The following ZFPM2 variants were observed in gnomAD, a reference collection of about 807,000 sequenced individuals.
ZFPM2 encodes the protein zinc finger protein, FOG family member 2.
A neutral mutation model predicts 98.6 loss-of-function variants in ZFPM2; 20 were observed. The ratio of observed to expected loss-of-function variants is 0.20; its 90% confidence interval spans 0.14 to 0.29. The LOEUF (loss-of-function observed/expected upper bound fraction) is 0.29. Among genes scored for constraint, ZFPM2 ranks in the 10% least tolerant of loss-of-function variants. The pLI, the probability that ZFPM2 is intolerant of heterozygous loss-of-function variation, is 1.00. For synonymous variants in ZFPM2, 518 were observed against 502.7 expected, an observed-to-expected ratio of 1.03 and a Z score of -0.41; for missense variants, 1,310 against 1,388.6, an observed-to-expected ratio of 0.94 and a Z score of 0.90.
At chr8:105,608,245 G>C (rs1018197295) in intron 4 of ZFPM2, among the ~76,000 whole-genome samples, 6 of 151,936 alleles carry the variant, frequency 3.9e-5, no homozygotes, top group African/African-American at 1.5e-4. Context: ...TTAGTAACTG[G>C]GTGATGAAAT....
rs570329504 is a variant in ZFPM2 at position 105,320,296 on chromosome 8, G to GTGTC, written c.40+1318_40+1321dup. ...TGTGTGTGTGTGTGTGTGTGTGTGT[G>GTGTC]TGTCTGCTACTTAAACATGACTTTC... On this transcript the variant is annotated intron_variant, in intron 1 of 7. Transcript: ENST00000407775. 4.6e-3 allele frequency among the ~76,000 whole-genome samples: 694 copies of GTGTC among 151,094 alleles called. 6 individuals carry two copies. Among genetic ancestry groups the GTGTC allele is most frequent in the Middle Eastern group, 0.01 (3 of 294 alleles).
chr8:105,457,590 A>G (rs1014114590), intron 3 of ZFPM2, among the ~76,000 whole-genome samples: 1 of 152,214 alleles, frequency 6.6e-6, no homozygotes, highest in Non-Finnish European at 1.5e-5. Flanking sequence ...GATGCTGATG[A>G]GGTAACACAG....
chr8:105,583,595 G>A (rs759480204), intron 4 of ZFPM2, among the ~76,000 whole-genome samples: 9 of 151,922 alleles, frequency 5.9e-5, no homozygotes, highest in Non-Finnish European at 1.0e-4. Flanking sequence ...TTTCCTTTTT[G>A]TATAATTGAG....
intron 4 of ZFPM2, among the ~76,000 whole-genome samples, chr8:105,601,567 A>C (rs1816092549): frequency 3.3e-5 from 5 of 152,122 alleles, no homozygotes; most frequent in Non-Finnish European, 7.4e-5. Context: ...ATTCTTCTAA[A>C]AGTAGAGATA....
At chr8:105,368,601 A>G (rs1810555768) in intron 1 of ZFPM2, among the ~76,000 whole-genome samples, 1 of 152,160 alleles carries the variant, frequency 6.6e-6, no homozygotes, top group Non-Finnish European at 1.5e-5. Context: ...TTATTTCATT[A>G]TGTAACTGAA....
chr8:105,486,454 T>C (rs1813232162), intron 3 of ZFPM2, among the ~76,000 whole-genome samples: 1 of 152,052 alleles, frequency 6.6e-6, no homozygotes, highest in Non-Finnish European at 1.5e-5. Flanking sequence ...TCTAAAACTC[T>C]GGAGGGTTGA....
rs1362469278 is a variant in ZFPM2, at chr8:105,699,631, G to C, written c.532+65274G>C. ...TAACACCTCTCAAAAGTGAATAATGGCAATGATTCCACTGAAAATTAACTT... is the reference window on the plus strand; with the variant it reads ...TAACACCTCTCAAAAGTGAATAATGCCAATGATTCCACTGAAAATTAACTT... On this transcript the variant is annotated intron_variant, in intron 5 of 7. Coordinates refer to ENST00000407775, the MANE Select transcript of ZFPM2 (RefSeq NM_012082.4). 3.9e-5 allele frequency among the ~76,000 whole-genome samples: 6 copies of C among 151,970 alleles called. No individual in the cohort carries two copies. In the East Asian group the frequency reaches 1.2e-3, roughly 29 times the overall value.
intron 2 of ZFPM2, among the ~76,000 whole-genome samples, chr8:105,440,249 A>T (rs974715742): frequency 1.3e-5 from 2 of 152,154 alleles, no homozygotes; most frequent in African/African-American, 4.8e-5. Flanking sequence ...ATTTTTGTTG[A>T]ATCTATTTTG....
intron 4 of ZFPM2, among the ~76,000 whole-genome samples, chr8:105,573,282 C>T (rs1287468040): frequency 6.6e-6 from 1 of 152,154 alleles, no homozygotes; most frequent in Non-Finnish European, 1.5e-5. Context: ...GAGTGGCATC[C>T]TATCACTTTT....
intron 1 of ZFPM2, among the ~76,000 whole-genome samples, chr8:105,376,618 T>A (rs1055663182): frequency 6.6e-6 from 1 of 152,184 alleles, no homozygotes; most frequent in Non-Finnish European, 1.5e-5. Flanking sequence ...GCCAATTTCA[T>A]CAACATACAT....
At position 105,803,001 on chromosome 8, in the gene ZFPM2, G is replaced by C; in HGVS notation, c.2919G>C (p.Lys973Asn). The change falls in exon 8 of 8, where the codon AAG becomes AAC. Residue 973 changes from lysine (K) to asparagine (N), a missense_variant. Transcript: ENST00000407775. ...AATGCCTTTACCCTGGAGCAATAAA[G>C]AAAGCAAAAGGAGCCGACCAGCTTT... ...LPQCLYPGAI[K>N]KAKGADQLSP... The C allele has an allele frequency of 6.2e-7, 1 of 1,612,968 alleles. No homozygotes were observed. The highest frequency in any genetic ancestry group is 8.5e-7 in the Non-Finnish European group (1 of 1,179,472).
rs114175245 is a variant in ZFPM2, at chr8:105,505,843, A to G, written c.302-55520A>G. On this transcript the variant is annotated intron_variant, in intron 3 of 7. Transcript: ENST00000407775. ...ATTGTATAAAGAAATTTCAGTTTCAAATTCCAATAATGGTAAAATATGACA... is the reference window on the plus strand; with the variant it reads ...ATTGTATAAAGAAATTTCAGTTTCAGATTCCAATAATGGTAAAATATGACA... Among the ~76,000 whole-genome samples the G allele has an allele frequency of 3.5e-3, 531 of 152,288 alleles. 4 individuals carry two copies. The highest frequency in any genetic ancestry group is 0.012 in the African/African-American group (498 of 41,574).
At chr8:105,460,629 G>C (rs1200553671) in intron 3 of ZFPM2, among the ~76,000 whole-genome samples, 1 of 152,110 alleles carries the variant, frequency 6.6e-6, no homozygotes, top group African/African-American at 2.4e-5. Flanking sequence ...AAAATGAAAG[G>C]TGTCCACATC....
At chr8:105,688,914 C>T (rs894272581) in intron 5 of ZFPM2, among the ~76,000 whole-genome samples, 2 of 152,100 alleles carry the variant, frequency 1.3e-5, no homozygotes, top group African/African-American at 2.4e-5. Context: ...GAGAAGCATA[C>T]CAATACAGAA....
At chr8:105,531,282 A>C (rs1392960716) in intron 3 of ZFPM2, among the ~76,000 whole-genome samples, 1 of 152,174 alleles carries the variant, frequency 6.6e-6, no homozygotes. Context: ...GCAAGCTAGA[A>C]GTGTAAAATC....
intron 3 of ZFPM2, among the ~76,000 whole-genome samples, chr8:105,523,787 T>A (rs1334756943): frequency 6.6e-6 from 1 of 152,156 alleles, no homozygotes; most frequent in Non-Finnish European, 1.5e-5. Context: ...TTGTTTGACA[T>A]GTTAGGAATT....
chr8:105,393,330 C>CTGTCTGTCTGTCTG (rs1245789213), intron 1 of ZFPM2, among the ~76,000 whole-genome samples: 12 of 132,922 alleles, frequency 9.0e-5, no homozygotes, highest in Non-Finnish European at 1.1e-4. Flanking sequence ...CCCTCTCTCT[C>CTGTCTGTCTGTCTG]TCTTTGCCTT....
At chr8:105,612,185 A>G (rs1221178868) in intron 4 of ZFPM2, among the ~76,000 whole-genome samples, 5 of 152,312 alleles carry the variant, frequency 3.3e-5, no homozygotes, top group African/African-American at 9.6e-5. Context: ...AATAGGTTCA[A>G]AATTTCCCAG....
At chr8:105,539,429 G>T (rs1814528720) in intron 3 of ZFPM2, among the ~76,000 whole-genome samples, 1 of 152,150 alleles carries the variant, frequency 6.6e-6, no homozygotes, top group Non-Finnish European at 1.5e-5. Flanking sequence ...CATCATAGGG[G>T]TGTCTTTCTG....
Sources: gnomAD v4.1 joint callset for allele counts (sites outside exome capture counted in the v4.1 genomes callset) on GRCh38, gnomAD v4.1.1 for gene constraint, MANE v1.5 for transcripts, NCBI Gene and HGNC (gene_info 2026-07-23, HGNC 2026-07-21) for gene names.